Variants in GNAS observed in about 807,000 individuals in gnomAD.
GNAS encodes GNAS complex locus.
In GNAS, 8 loss-of-function variants were observed where a neutral mutation model predicts 54.5. That is an observed-to-expected ratio of 0.15 (90% CI 0.09 to 0.26). The LOEUF (loss-of-function observed/expected upper bound fraction) is 0.26. GNAS is among the 10% of genes least tolerant of loss of function. GNAS has a pLI of 1.00. For synonymous variants in GNAS, 204 were observed against 191.4 expected (o/e 1.07, Z -0.54); for missense variants, 170 against 529.8 (o/e 0.32, Z 6.67).
chr20:58,841,256 T>C lies in GNAS; in HGVS notation c.43+370T>C. ...TTGTTTTGCGCGCTTTTCTTCCTCC[T>C]AGAAAGACTAGTCTCAAATAAGTTG... On this transcript the variant is annotated intron_variant, in intron 1 of 12. Coordinates refer to the GNAS transcript ENST00000306090. The surrounding 1 kb of genome is among the most constrained non-coding windows in gnomAD (Gnocchi z 5.0). 1.0e-6 allele frequency: 1 copy of C among 980,374 alleles called. No homozygotes were observed. Among genetic ancestry groups the C allele is most frequent in the Non-Finnish European group, 1.3e-6 (1 of 789,236 alleles). 60.7% of individuals were successfully genotyped at this position (980,374 alleles called of 1,614,324 possible).
rs143501015 is a variant in GNAS at position 58,880,062 on chromosome 20, G to A, written c.44-15550G>A. Among the ~76,000 whole-genome samples the A allele has an allele frequency of 7.9e-5, 12 of 151,794 alleles. No individual in the cohort carries two copies. In the East Asian group the frequency reaches 1.5e-3, roughly 20 times the overall value. On this transcript the variant is annotated intron_variant, in intron 1 of 12. Transcript: ENST00000306090. The stretch of plus-strand genomic sequence containing the variant: ...AATCTCTCTCTCTCTCTTTTTCCTC[G>A]TGTGCATAGCCAGTTTAGACTCTCT...
At position 58,909,099 on chromosome 20, in the gene GNAS, C is replaced by T. The variant is rs2146263587; in HGVS notation, c.531-63C>T. ...TTGAGCCTGACCTTGTAGAGAGACACAAATAGTTGGCAAATTGATGTGAGC... is the reference window on the plus strand; with the variant it reads ...TTGAGCCTGACCTTGTAGAGAGACATAAATAGTTGGCAAATTGATGTGAGC... On this transcript the variant is annotated intron_variant, in intron 6 of 12. Transcript: ENST00000371085. This position sits in a 1 kb window ranked among gnomAD's most constrained non-coding sequence, Gnocchi z 7.3. The T allele has an allele frequency of 7.1e-7, 1 of 1,399,674 alleles. No individual in the cohort carries two copies. Among genetic ancestry groups the T allele is most frequent in the East Asian group, 2.3e-5 (1 of 43,900 alleles). The allele number at this position is 1,399,674 out of a possible 1,614,324, so 86.7% of individuals were successfully genotyped here.
chr20:58,908,000 A>C lies in GNAS; in HGVS notation c.531-1162A>C, dbSNP rs544867641. Among the ~76,000 whole-genome samples the C allele has an allele frequency of 1.4e-3, 210 of 152,342 alleles. No homozygotes were observed. Among genetic ancestry groups the C allele is most frequent in the Non-Finnish European group, 2.5e-3 (168 of 68,032 alleles). On this transcript the variant is annotated intron_variant, in intron 6 of 12. Transcript: ENST00000371085. ...TTCTGTTGCCATGGTAACATGCTGG[A>C]GGCCAGGGCGGCTGGGGAGCTATTT...
At chr20:58,892,054 C>T in intron 1 of GNAS, 189 bp downstream of exon 1, 2 of 917,356 alleles carry the variant, frequency 2.2e-6, no homozygotes, top group South Asian at 1.0e-4. Context: ...CGGGCGGGGG[C>T]TCAAAAACGG....
intron 3 of GNAS, among the ~76,000 whole-genome samples, chr20:58,901,493 A>G (rs1012211775): frequency 2.0e-5 from 3 of 152,086 alleles, no homozygotes; most frequent in Non-Finnish European, 2.9e-5. Context: ...TGTTTCTGAG[A>G]TTCTCCGGAC....
chr20:58,842,275 TG>T (rs2085768334), intron 1 of GNAS: 1 of 397,948 alleles, frequency 2.5e-6, no homozygotes, highest in African/African-American at 2.1e-5. Context: ...ACTTGGAAAT[TG>T]ATTTTTTTTT....
At chr20:58,872,830 A>G (rs2087556670) in intron 1 of GNAS, among the ~76,000 whole-genome samples, 1 of 152,212 alleles carries the variant, frequency 6.6e-6, no homozygotes, top group African/African-American at 2.4e-5. Context: ...TGGGGAAAAT[A>G]TTCCGTCAGC....
Position 58,910,551 on chromosome 20 carries a change from C to T in GNAS, c.1039-132C>T, listed in dbSNP as rs2091368244. 3 of 1,229,258 alleles carry T rather than the reference C, an allele frequency of 2.4e-6. No homozygotes were observed. The highest frequency in any genetic ancestry group is 1.5e-5 in the African/African-American group (1 of 67,284). The allele number at this position is 1,229,258 out of a possible 1,614,324, so 76.1% of individuals were successfully genotyped here. A position where few individuals can be genotyped will look rare whatever the true frequency, so the allele number is the denominator to read the frequency against. On this transcript the variant is annotated intron_variant, in intron 12 of 12. Transcript: ENST00000371085. This position sits in a 1 kb window ranked among gnomAD's most constrained non-coding sequence, Gnocchi z 5.8. ...CAGTGTGGATTTGAGCTCTTTGCGC[C>T]CCTCTTTTTGCTTTTGTTTTCATAT...
In GNAS at chr20:58,899,012, T is replaced by C. The variant is rs368774179; in HGVS notation, c.257+27T>C. 2.5e-6 allele frequency: 4 copies of C among 1,584,134 alleles called. No homozygotes were observed. In the South Asian group the frequency reaches 3.3e-5, roughly 13 times the overall value. ...TAGGCACATTCAAAACCAGAAAAAATTGTTAACAAACCAAACAAACATGAA... is the reference window on the plus strand; with the variant it reads ...TAGGCACATTCAAAACCAGAAAAAACTGTTAACAAACCAAACAAACATGAA... On this transcript the variant is annotated intron_variant, in intron 3 of 12. Coordinates refer to ENST00000371085, the MANE Select transcript of GNAS (RefSeq NM_000516.7).
chr20:58,882,589 T>C lies in GNAS; in HGVS notation c.44-13023T>C, dbSNP rs1418348522. On this transcript the variant is annotated intron_variant, in intron 1 of 12. Transcript: ENST00000306090. The stretch of plus-strand genomic sequence containing the variant: ...AGCCAGTGTCCAAAACTCAGCCCCA[T>C]GGATCACAGCTGTAGCGTTATTTCA... Among the ~76,000 whole-genome samples the C allele has an allele frequency of 3.9e-5, 6 of 152,318 alleles. No homozygotes were observed. The East Asian group carries it at 9.7e-4, about 25-fold the overall frequency.
chr20:58,881,326 A>G (rs112090683), intron 1 of GNAS, among the ~76,000 whole-genome samples: 4 of 152,264 alleles, frequency 2.6e-5, no homozygotes, highest in African/African-American at 9.6e-5. Flanking sequence ...CTGGGTCCCA[A>G]TTAAGTTTTA....
intron 6 of GNAS, 187 bp from the exon 7 acceptor site, chr20:58,908,975 A>G (rs2091258342): frequency 1.3e-6 from 1 of 746,368 alleles, no homozygotes; most frequent in Admixed American, 1.7e-5. Flanking sequence ...GTTTGCCCTA[A>G]CCTTCTTAAG....
chr20:58,858,910 T>C (rs941177151), intron 1 of GNAS, among the ~76,000 whole-genome samples: 1 of 152,212 alleles, frequency 6.6e-6, no homozygotes, highest in African/African-American at 2.4e-5. Context: ...GGAGTCCAGA[T>C]AGATTTATTA....
In GNAS at chr20:58,853,985, G is replaced by C. The variant is rs772800929; in HGVS notation, c.43+13099G>C. 1 of 1,612,060 alleles carries C rather than the reference G, an allele frequency of 6.2e-7. No homozygotes were observed. The highest frequency in any genetic ancestry group is 8.5e-7 in the Non-Finnish European group (1 of 1,179,754). On this transcript the variant is annotated intron_variant, in intron 1 of 12. Coordinates refer to the GNAS transcript ENST00000306090. The surrounding 1 kb of genome is among the most constrained non-coding windows in gnomAD (Gnocchi z 4.4). The stretch of plus-strand genomic sequence containing the variant: ...GATTTGGGGACGACAGCCCACCCCC[G>C]GGGCTTTCCCGAGTTATCGCACAAG...
At chr20:58,899,794 TG>T (rs2090444991) in intron 3 of GNAS, among the ~76,000 whole-genome samples, 1 of 152,042 alleles carries the variant, frequency 6.6e-6, no homozygotes, top group Non-Finnish European at 1.5e-5. Context: ...CATGCAGTGG[TG>T]GAGTGGCTAT....
At chr20:58,885,675 C>G (rs1208997577) in intron 1 of GNAS, among the ~76,000 whole-genome samples, 1 of 152,190 alleles carries the variant, frequency 6.6e-6, no homozygotes, top group Non-Finnish European at 1.5e-5. Context: ...CTTTTATGGT[C>G]TAAAGTAATA....
At chr20:58,893,253 A>T (rs1294490319) in intron 1 of GNAS, among the ~76,000 whole-genome samples, 1 of 111,010 alleles carries the variant, frequency 9.0e-6, no homozygotes, top group African/African-American at 5.5e-5. Context: ...GATTAAAAAA[A>T]TAATAATAAA....
At chr20:58,895,234 A>G in intron 1 of GNAS, 1 of 347,594 alleles carries the variant, frequency 2.9e-6, no homozygotes, top group Non-Finnish European at 5.6e-6. Flanking sequence ...ATGTTCATGT[A>G]TCAGGGATTC....
At chr20:58,900,274 T>TA in intron 3 of GNAS, 1 of 451,520 alleles carries the variant, frequency 2.2e-6, no homozygotes, top group Non-Finnish European at 4.0e-6. Flanking sequence ...GTGAGCAACC[T>TA]ACTGTGTACT....
Sources: gnomAD v4.1 joint callset for allele counts (sites outside exome capture counted in the v4.1 genomes callset) on GRCh38, gnomAD v4.1.1 for gene constraint, Gnocchi (gnomAD v3.1) non-coding constraint, MANE v1.5 for transcripts, NCBI Gene and HGNC (gene_info 2026-07-23, HGNC 2026-07-21) for gene names.